Variants in RELN observed in about 807,000 individuals in gnomAD.
RELN encodes the protein reelin.
A neutral mutation model predicts 427.6 loss-of-function variants in RELN; 108 were observed. That is an observed-to-expected ratio of 0.25 (90% CI 0.22 to 0.30). RELN has a LOEUF of 0.30. Ranked by LOEUF, RELN falls within the 10% of genes least tolerant of loss-of-function variation. RELN has a pLI of 1.00. For missense variants in RELN, 3,715 were observed against 4,302.8 expected, an observed-to-expected ratio of 0.86 and a Z score of 3.82; for synonymous variants, 1,524 against 1,513.4, an observed-to-expected ratio of 1.01 and a Z score of -0.16.
At chr7:103,966,223 T>TACCAGAA (rs373731761) in intron 1 of RELN, among the ~76,000 whole-genome samples, 79,423 of 151,710 alleles carry the variant, frequency 0.52, 20,937 homozygotes, top group African/African-American at 0.6. Context: ...ATTACCCGCT[T>TACCAGAA]TTTCCAGTTC....
intron 16 of RELN, 64 bp downstream of exon 16, chr7:103,650,210 C>A: frequency 1.0e-6 from 1 of 987,936 alleles, no homozygotes; most frequent in Admixed American, 1.7e-5. Context: ...TCTGTGCTGA[C>A]GAACAAAAGC....
Position 103,503,131 on chromosome 7 carries a change from G to A in RELN, c.8374C>T (p.Gln2792Ter), listed in dbSNP as rs766956688. The change falls in exon 52 of 65, where the codon CAG (glutamine) becomes TAG (stop). Residue 2792 changes from glutamine (Q) to a stop codon, truncating the protein, a stop_gained. Transcript: ENST00000428762. LOFTEE classifies it high-confidence loss of function. Reference sequence around the variant, plus strand: ...CATTTTGGGTCAGCAGGCAAGCACTGAGGGACCAGATAATTCCAACTCACA... The same window carrying A: ...CATTTTGGGTCAGCAGGCAAGCACTAAGGGACCAGATAATTCCAACTCACA... ...FGVSWNYLVP[Q>*]CLPADPKCSG... 6.2e-7 allele frequency: 1 copy of A among 1,614,174 alleles called. No homozygotes were observed. The highest frequency in any genetic ancestry group is 8.5e-7 in the Non-Finnish European group (1 of 1,180,016).
At chr7:103,962,643 TTGTTGTGTGTG>T (rs974078952) in intron 1 of RELN, among the ~76,000 whole-genome samples, 2 of 116,634 alleles carry the variant, frequency 1.7e-5, no homozygotes, top group African/African-American at 7.7e-5. Context: ...CATTCCAAAG[TTGTTGTGTGTG>T]TGTGTGTGTG....
chr7:103,556,945 T>C (rs1284713847), intron 38 of RELN, 32 bp downstream of exon 38: 2 of 1,552,870 alleles, frequency 1.3e-6, no homozygotes, highest in Middle Eastern at 3.4e-4. Context: ...CCACTATCAG[T>C]TCTGATCACA....
chr7:103,946,144 G>A (rs777654558), intron 1 of RELN, among the ~76,000 whole-genome samples: 11 of 152,264 alleles, frequency 7.2e-5, no homozygotes, highest in South Asian at 2.1e-4. Flanking sequence ...AGTGCTGAGC[G>A]CATAATAGGT....
chr7:103,969,201 A>T (rs1421490287), intron 1 of RELN, among the ~76,000 whole-genome samples: 1 of 152,176 alleles, frequency 6.6e-6, no homozygotes, highest in African/African-American at 2.4e-5. Context: ...CTCCTCCAGT[A>T]ATTATGGCAA....
intron 10 of RELN, among the ~76,000 whole-genome samples, chr7:103,683,523 A>G (rs1169631857): frequency 1.3e-5 from 2 of 152,200 alleles, no homozygotes; most frequent in African/African-American, 4.8e-5. Flanking sequence ...ATAATATTAT[A>G]ATGGAGCTGA....
chr7:103,554,319 G>A (rs977481816), intron 38 of RELN, among the ~76,000 whole-genome samples: 1 of 152,078 alleles, frequency 6.6e-6, no homozygotes, highest in Non-Finnish European at 1.5e-5. Flanking sequence ...GCTCACGCCT[G>A]TAATCCCAGC....
chr7:103,498,359 A>G, intron 53 of RELN, 107 bp from the exon 54 acceptor site: 2 of 987,042 alleles, frequency 2.0e-6, no homozygotes, highest in South Asian at 2.8e-5. Flanking sequence ...AATAGAGCTG[A>G]TTTCAAATGC....
intron 16 of RELN, among the ~76,000 whole-genome samples, chr7:103,643,896 G>A (rs563936607): frequency 1.3e-5 from 2 of 152,002 alleles, no homozygotes; most frequent in East Asian, 3.9e-4. Context: ...CATGTGCCAT[G>A]CCTGACTACC....
chr7:103,585,044 C>T (rs142315597), intron 28 of RELN, among the ~76,000 whole-genome samples: 59 of 151,774 alleles, frequency 3.9e-4, no homozygotes, highest in African/African-American at 1.4e-3. Context: ...ATACCAAAAC[C>T]TCTGAGATAC....
At chr7:103,875,582 A>G (rs887201330) in intron 2 of RELN, among the ~76,000 whole-genome samples, 1 of 152,172 alleles carries the variant, frequency 6.6e-6, no homozygotes, top group Admixed American at 6.6e-5. Flanking sequence ...GATGCTAAAT[A>G]TCAATTGTAA....
At chr7:103,535,593 A>G in intron 45 of RELN, 109 bp from the exon 46 acceptor site, 1 of 1,096,260 alleles carries the variant, frequency 9.1e-7, no homozygotes, top group South Asian at 1.4e-5. Flanking sequence ...TGTCAGTTTG[A>G]TTTTTTCCCT....
intron 20 of RELN, among the ~76,000 whole-genome samples, chr7:103,619,738 A>G (rs1167210897): frequency 6.6e-6 from 1 of 152,136 alleles, no homozygotes; most frequent in Non-Finnish European, 1.5e-5. Context: ...CCCAGAGAAG[A>G]AGGGAAAGAG....
chr7:103,741,296 G>A (rs904805472), intron 6 of RELN, among the ~76,000 whole-genome samples: 33 of 152,028 alleles, frequency 2.2e-4, no homozygotes, highest in African/African-American at 6.8e-4. Flanking sequence ...TAAGGGGTTC[G>A]AGACATCTAA....
At chr7:103,664,234 C>A (rs1394662637) in intron 11 of RELN, among the ~76,000 whole-genome samples, 1 of 152,174 alleles carries the variant, frequency 6.6e-6, no homozygotes, top group Non-Finnish European at 1.5e-5. Flanking sequence ...ACATTTAGGT[C>A]ATTTCTATCT....
Position 103,573,956 on chromosome 7 carries a change from T to C in RELN, c.4511+136A>G. On this transcript the variant is annotated intron_variant, in intron 30 of 64. Transcript: ENST00000428762. This position sits in a 1 kb window ranked among gnomAD's most constrained non-coding sequence, Gnocchi z 4.4. Reference sequence around the variant, plus strand: ...TATTCCAAAGCTAAAGTTATCTTCATTTTTACATATCATAATCTATATACA... The same window carrying C: ...TATTCCAAAGCTAAAGTTATCTTCACTTTTACATATCATAATCTATATACA... 1.3e-6 allele frequency: 1 copy of C among 776,050 alleles called. No homozygotes were observed. The highest frequency in any genetic ancestry group is 1.6e-5 in the South Asian group (1 of 63,696). The allele number at this position is 776,050 out of a possible 1,614,324, so 48.1% of individuals were successfully genotyped here. A position where few individuals can be genotyped will look rare whatever the true frequency, so the allele number is the denominator to read the frequency against.
intron 2 of RELN, among the ~76,000 whole-genome samples, chr7:103,842,267 A>G (rs1584287904): frequency 6.6e-6 from 1 of 152,132 alleles, no homozygotes; most frequent in African/African-American, 2.4e-5. Context: ...AATAAAAAAA[A>G]AAAACACAGA....
chr7:103,777,797 T>C (rs887719174), intron 3 of RELN, among the ~76,000 whole-genome samples: 1 of 151,994 alleles, frequency 6.6e-6, no homozygotes, highest in Admixed American at 6.6e-5. Flanking sequence ...TCTCTGAAGG[T>C]AATCTGATAA....
Sources: allele counts gnomAD v4.1 joint callset (sites outside exome capture counted in the v4.1 genomes callset), GRCh38; gene constraint gnomAD v4.1.1; non-coding constraint Gnocchi (gnomAD v3.1); transcripts MANE v1.5; gene names NCBI Gene and HGNC (gene_info 2026-07-23, HGNC 2026-07-21).